Variants in SUPT16H observed in about 807,000 individuals in gnomAD.
The protein encoded by SUPT16H is FACT complex subunit SPT16.
Under a neutral mutation model 136.2 loss-of-function variants are expected in SUPT16H, and 24 were observed. That is an observed-to-expected ratio of 0.18 (90% CI 0.13 to 0.25). The LOEUF is 0.25. Among genes scored for constraint, SUPT16H ranks in the 10% least tolerant of loss-of-function variants. SUPT16H has a pLI of 1.00. For missense variants in SUPT16H, 623 were observed against 1,270.2 expected, an observed-to-expected ratio of 0.49 and a Z score of 7.74; for synonymous variants, 415 against 428.2, an observed-to-expected ratio of 0.97 and a Z score of 0.38.
intron 1 of SUPT16H, among the ~76,000 whole-genome samples, chr14:21,378,281 T>A (rs1024478146): frequency 1.3e-5 from 2 of 151,886 alleles, no homozygotes; most frequent in Admixed American, 6.6e-5. Flanking sequence ...TTGGAAAAAA[T>A]TAAGGCTAGG....
In SUPT16H at chr14:21,361,183, G is replaced by C. The variant is rs769233012; in HGVS notation, c.1824C>G (p.Pro608=). 1.5e-5 allele frequency: 24 copies of C among 1,613,974 alleles called. No homozygotes were observed. In the Middle Eastern group the frequency reaches 4.9e-4, roughly 33 times the overall value. Residue 608 remains proline (P), a synonymous_variant, in exon 16 of 26, where the codon CCC becomes CCG. Transcript: ENST00000216297. ...ITYRASNIKA[P]GEQTVPALNL... is the part of the protein sequence containing the mutation. ...TCAAGGCTGGTACTGTCTGTTCTCC[G>C]GGTGCCTTAATATTTGATGCTCGGT...
In SUPT16H at chr14:21,359,624, CAGAA is replaced by C. The variant is rs771669877; in HGVS notation, c.2176-19_2176-16del. Reference sequence around the variant, plus strand: ...ATGATGGCATTCTGTCGGCATAAAACAGAAAGAACACAGAAGTCAGAAACACAAA... The same window carrying C: ...ATGATGGCATTCTGTCGGCATAAAACAGAACACAGAAGTCAGAAACACAAA... On this transcript the variant is annotated splice_polypyrimidine_tract_variant and intron_variant, in intron 18 of 25. Coordinates refer to ENST00000216297, the MANE Select transcript of SUPT16H (RefSeq NM_007192.4). 6 of 1,611,698 alleles carry C rather than the reference CAGAA, an allele frequency of 3.7e-6. No homozygotes were observed. The highest frequency in any genetic ancestry group is 5.1e-6 in the Non-Finnish European group (6 of 1,178,910).
At chr14:21,361,017 A>G in intron 16 of SUPT16H, 45 bp from the exon 17 acceptor site, 1 of 1,611,180 alleles carries the variant, frequency 6.2e-7, no homozygotes, top group African/African-American at 1.3e-5. Flanking sequence ...TATCCTTACA[A>G]GTCTCCAAAA....
Position 21,357,254 on chromosome 14 carries a change from A to G in SUPT16H, c.2603T>C (p.Val868Ala). ...TACAGGAATGGCGTTGATCATGGTC[A>G]CTTTCTTGCTGTAGTCCTTGTAGAC... ...VIVYKDYSKK[V>A]TMINAIPVAS... Residue 868 changes from valine to alanine, a missense_variant, in exon 22 of 26, where the codon GTG (valine) becomes GCG (alanine). Physicochemically the swap from Val to Ala is moderately conservative, Grantham distance 64. Around this residue, in one of 7 missense-constraint regions of SUPT16H, gnomAD observed 74 missense variants for 193.8 expected, o/e 0.38. Coordinates refer to ENST00000216297, the MANE Select transcript of SUPT16H (RefSeq NM_007192.4). 1.2e-6 allele frequency: 2 copies of G among 1,613,144 alleles called. No homozygotes were observed. The highest frequency in any genetic ancestry group is 1.7e-6 in the Non-Finnish European group (2 of 1,179,558).
At position 21,383,571 on chromosome 14, in the gene SUPT16H, G is replaced by C. The variant is rs952898727; in HGVS notation, c.66+291C>G. ...ACGTGACCACGGAGTAGGAGGGAAG[G>C]ATGTTGCCTCTTCTAGGGCGGGAAG... On this transcript the variant is annotated intron_variant, in intron 1 of 25. Coordinates refer to ENST00000216297, the MANE Select transcript of SUPT16H (RefSeq NM_007192.4). The C allele has an allele frequency of 2.9e-5, 20 of 693,318 alleles. No individual in the cohort carries two copies. In the African/African-American group the frequency reaches 3.3e-4, roughly 12 times the overall value. The allele number at this position is 693,318 out of a possible 1,614,324, so 42.9% of individuals were successfully genotyped here.
intron 10 of SUPT16H, among the ~76,000 whole-genome samples, chr14:21,364,319 GA>G (rs1379756678): frequency 1.3e-5 from 2 of 152,086 alleles, no homozygotes; most frequent in African/African-American, 2.4e-5. Context: ...AATCCTTAGA[GA>G]GAACGCAGTT....
rs759446844 is a variant in SUPT16H, at chr14:21,366,538, A to G, written c.956-9T>C. 9 of 1,607,080 alleles carry G rather than the reference A, an allele frequency of 5.6e-6. No individual in the cohort carries two copies. The South Asian group carries it at 1.0e-4, about 18-fold the overall frequency. Reference sequence around the variant, plus strand: ...GTCACATATCTTCACACCTAATAACAAGACACAAAGGAGATATTAAAGTAT... The same window carrying G: ...GTCACATATCTTCACACCTAATAACGAGACACAAAGGAGATATTAAAGTAT... On this transcript the variant is annotated splice_polypyrimidine_tract_variant and intron_variant, in intron 7 of 25. Coordinates refer to ENST00000216297, the MANE Select transcript of SUPT16H (RefSeq NM_007192.4).
chr14:21,370,645 T>C (rs1373944572), intron 3 of SUPT16H, among the ~76,000 whole-genome samples, 157 bp from the exon 4 acceptor site: 1 of 152,206 alleles, frequency 6.6e-6, no homozygotes, highest in Non-Finnish European at 1.5e-5. Context: ...AGGGTCTTGT[T>C]CTACTACCCC....
At chr14:21,369,988 CT>C in intron 4 of SUPT16H, 92 bp from the exon 5 acceptor site, 1 of 1,445,634 alleles carries the variant, frequency 6.9e-7, no homozygotes, top group Admixed American at 1.9e-5. Flanking sequence ...AGTGATATTT[CT>C]GTTATTTAGC....
At chr14:21,378,932 G>C (rs1886961779) in intron 1 of SUPT16H, among the ~76,000 whole-genome samples, 2 of 151,962 alleles carry the variant, frequency 1.3e-5, no homozygotes, top group African/African-American at 2.4e-5. Flanking sequence ...TTGTGAAGGT[G>C]GTATCTGGAT....
intron 2 of SUPT16H, chr14:21,372,389 G>A (rs752999963): frequency 2.8e-5 from 9 of 317,520 alleles, no homozygotes; most frequent in Non-Finnish European, 5.4e-5. Flanking sequence ...GAGTGATACA[G>A]AACCCTGCGT....
intron 2 of SUPT16H, chr14:21,372,610 G>T (rs1372833027): frequency 2.4e-6 from 1 of 415,494 alleles, no homozygotes; most frequent in Admixed American, 3.5e-5. Context: ...TGCTTGGAAT[G>T]TAGATGAAAC....
At chr14:21,361,310 G>GGT in intron 15 of SUPT16H, 97 bp from the exon 16 acceptor site, 8 of 853,274 alleles carry the variant, frequency 9.4e-6, no homozygotes, top group Non-Finnish European at 1.3e-5. Context: ...TCTCTACTTT[G>GGT]CTTTTTTTTT....
intron 1 of SUPT16H, among the ~76,000 whole-genome samples, chr14:21,374,215 T>C (rs1026539939): frequency 6.6e-6 from 1 of 152,194 alleles, no homozygotes; most frequent in Non-Finnish European, 1.5e-5. Context: ...CAACATGAAA[T>C]CACAGATGCC....
chr14:21,378,898 C>T (rs1354087321), intron 1 of SUPT16H, among the ~76,000 whole-genome samples: 2 of 152,036 alleles, frequency 1.3e-5, no homozygotes, highest in Non-Finnish European at 2.9e-5. Context: ...AAATATAAAA[C>T]AGGTGGCAAA....
At position 21,381,606 on chromosome 14, in the gene SUPT16H, TTA is replaced by T. The variant is rs547012255; in HGVS notation, c.66+2254_66+2255del. On this transcript the variant is annotated intron_variant, in intron 1 of 25. Coordinates refer to ENST00000216297, the MANE Select transcript of SUPT16H (RefSeq NM_007192.4). Reference sequence around the variant, plus strand: ...AAGCTGAAAGCAAAAGGCTTGGGATTTATTTTTTTTTTTTTTAATTTATTTTT... The same window carrying T: ...AAGCTGAAAGCAAAAGGCTTGGGATTTTTTTTTTTTTTTTAATTTATTTTT... 5.4e-3 allele frequency among the ~76,000 whole-genome samples: 169 copies of T among 31,232 alleles called. 1 individual carries two copies. The highest frequency in any genetic ancestry group is 9.9e-3 in the South Asian group (7 of 704). 20.5% of individuals were successfully genotyped at this position (31,232 alleles called of 152,430 possible). A position where few individuals can be genotyped will look rare whatever the true frequency, so the allele number is the denominator to read the frequency against.
chr14:21,383,530 A>C, intron 1 of SUPT16H: 4 of 657,928 alleles, frequency 6.1e-6, no homozygotes, highest in Non-Finnish European at 1.1e-5. Context: ...AGAACACGGC[A>C]GGGGAGGGCA....
In SUPT16H at chr14:21,352,481, G is replaced by C; in HGVS notation, c.*192C>G. The C allele has an allele frequency of 1.2e-6, 1 of 800,534 alleles. No individual in the cohort carries two copies. Among genetic ancestry groups the C allele is most frequent in the Non-Finnish European group, 2.0e-6 (1 of 504,230 alleles). The allele number at this position is 800,534 out of a possible 1,614,324, so 49.6% of individuals were successfully genotyped here. A position where few individuals can be genotyped will look rare whatever the true frequency, so the allele number is the denominator to read the frequency against. The stretch of plus-strand genomic sequence containing the variant: ...CCTCCTCCCTTGCCATCTGAATGGG[G>C]CCATTGGCACGTGTCCTGGTGGGCC... On this transcript the variant is annotated 3_prime_UTR_variant, in exon 26 of 26. Coordinates refer to ENST00000216297, the MANE Select transcript of SUPT16H (RefSeq NM_007192.4).
At chr14:21,356,424 G>A (rs1415431487) in intron 22 of SUPT16H, among the ~76,000 whole-genome samples, 1 of 152,200 alleles carries the variant, frequency 6.6e-6, no homozygotes, top group East Asian at 1.9e-4. Context: ...ACTCTGAAGA[G>A]TATTGCCTCG....
Sources: allele counts gnomAD v4.1 joint callset (sites outside exome capture counted in the v4.1 genomes callset), GRCh38; gene constraint gnomAD v4.1.1; regional missense constraint gnomAD v4.1.1; transcripts MANE v1.5; gene names NCBI Gene and HGNC (gene_info 2026-07-23, HGNC 2026-07-21).